Variants in GJB7 observed in about 807,000 individuals in gnomAD.
GJB7 encodes gap junction beta-7 protein.
For synonymous variants in GJB7, 87 were observed against 95.2 expected, an observed-to-expected ratio of 0.91 and a Z score of 0.50; for missense variants, 253 against 256.8, an observed-to-expected ratio of 0.99 and a Z score of 0.10.
intron 2 of GJB7, among the ~76,000 whole-genome samples, chr6:87,295,555 C>T (rs115932222): frequency 1.3e-3 from 200 of 152,212 alleles, no homozygotes; most frequent in African/African-American, 4.6e-3. Context: ...TCTGTGGGTA[C>T]AGAATATCTG....
intron 2 of GJB7, among the ~76,000 whole-genome samples, chr6:87,311,933 T>C (rs1243350721): frequency 1.3e-5 from 2 of 152,000 alleles, no homozygotes; most frequent in East Asian, 3.9e-4. Context: ...GAATGAATAA[T>C]GAACTAATAA....
intron 2 of GJB7, among the ~76,000 whole-genome samples, chr6:87,317,357 C>A (rs1776598374): frequency 6.6e-6 from 1 of 152,042 alleles, no homozygotes; most frequent in African/African-American, 2.4e-5. Context: ...AAGCAAGACC[C>A]TGTCTCAAAC....
intron 2 of GJB7, among the ~76,000 whole-genome samples, chr6:87,293,031 T>C (rs1357374556): frequency 7.2e-5 from 11 of 152,218 alleles, no homozygotes; most frequent in Non-Finnish European, 1.6e-4. Context: ...TTTTATTTTA[T>C]TTTTTATTTT....
intron 2 of GJB7, among the ~76,000 whole-genome samples, chr6:87,286,865 G>T (rs1776069826): frequency 6.6e-6 from 1 of 152,190 alleles, no homozygotes; most frequent in Non-Finnish European, 1.5e-5. Flanking sequence ...CTTTCTCAAG[G>T]TCACAAAGTA....
At chr6:87,303,721 C>T (rs1271624803) in intron 2 of GJB7, among the ~76,000 whole-genome samples, 2 of 152,208 alleles carry the variant, frequency 1.3e-5, no homozygotes, top group Admixed American at 1.3e-4. Flanking sequence ...ACAGAATATA[C>T]CTTCTTCTCA....
chr6:87,319,126 C>G lies in GJB7; in HGVS notation c.-28+3740G>C, dbSNP rs141735432. 7.2e-5 allele frequency among the ~76,000 whole-genome samples: 11 copies of G among 152,278 alleles called. No homozygotes were observed. In the East Asian group the frequency reaches 2.1e-3, roughly 29 times the overall value. ...CAGATTAATCTTTGCTTTATGCAAT[C>G]CCATCAAATACAAAATCTCCTGGAA... On this transcript the variant is annotated intron_variant, in intron 2 of 2. Coordinates refer to ENST00000525899, the MANE Select transcript of GJB7 (RefSeq NM_198568.3).
rs1222055347 is a variant in GJB7 at position 87,323,424 on chromosome 6, C to T, written c.-205-381G>A. On this transcript the variant is annotated intron_variant, in intron 1 of 2. Coordinates refer to ENST00000525899, the MANE Select transcript of GJB7 (RefSeq NM_198568.3). ...TATCTCCCAATGCTATCCCTCCCCC[C>T]TCCCCCCACCCCACAACAGACCTCA... is the stretch of plus-strand genomic sequence containing the variant. Among the ~76,000 whole-genome samples, 3 of 109,282 alleles carry T rather than the reference C, an allele frequency of 2.7e-5. No homozygotes were observed. In the East Asian group the frequency reaches 1.0e-3, roughly 38 times the overall value. The allele number at this position is 109,282 out of a possible 152,430, so 71.7% of individuals were successfully genotyped here. A position where few individuals can be genotyped will look rare whatever the true frequency, so the allele number is the denominator to read the frequency against.
intron 2 of GJB7, among the ~76,000 whole-genome samples, chr6:87,318,119 A>T (rs1486354051): frequency 4.2e-5 from 6 of 144,246 alleles, no homozygotes; most frequent in African/African-American, 7.6e-5. Context: ...TCCCCATTCT[A>T]TTTTTTTTTT....
chr6:87,294,264 C>G (rs921505820), intron 2 of GJB7, among the ~76,000 whole-genome samples: 1 of 152,206 alleles, frequency 6.6e-6, no homozygotes, highest in Non-Finnish European at 1.5e-5. Context: ...TGTGACGCTG[C>G]AAGATAATCA....
chr6:87,320,061 T>C (rs1246971490), intron 2 of GJB7, among the ~76,000 whole-genome samples: 1 of 151,936 alleles, frequency 6.6e-6, no homozygotes, highest in Non-Finnish European at 1.5e-5. Context: ...TTTTAGCGGG[T>C]ACAAAAGTAT....
intron 1 of GJB7, among the ~76,000 whole-genome samples, chr6:87,328,480 G>A (rs12190506): frequency 6.6e-6 from 1 of 150,432 alleles, no homozygotes; most frequent in Non-Finnish European, 1.5e-5. Context: ...AGACAGGACC[G>A]TAAGCTTCAG....
intron 2 of GJB7, among the ~76,000 whole-genome samples, chr6:87,321,155 G>A (rs1390452336): frequency 1.3e-5 from 2 of 151,192 alleles, no homozygotes; most frequent in Non-Finnish European, 2.9e-5. Flanking sequence ...GGAGGTGGAG[G>A]TTGCAGTGAG....
intron 1 of GJB7, among the ~76,000 whole-genome samples, chr6:87,324,514 T>G (rs1296213858): frequency 1.3e-5 from 2 of 150,860 alleles, no homozygotes; most frequent in African/African-American, 4.9e-5. Flanking sequence ...CAGCACCATT[T>G]ATTAAATAGG....
intron 2 of GJB7, chr6:87,298,949 T>A: frequency 2.2e-6 from 1 of 450,018 alleles, no homozygotes. Context: ...AAAACAATGA[T>A]TGATCAACTG....
intron 2 of GJB7, among the ~76,000 whole-genome samples, chr6:87,308,976 A>G (rs1776473992): frequency 6.6e-6 from 1 of 152,234 alleles, no homozygotes; most frequent in Non-Finnish European, 1.5e-5. Flanking sequence ...TTCCTGACAA[A>G]AAAAGACAAA....
At chr6:87,324,669 G>C (rs1289459608) in intron 1 of GJB7, among the ~76,000 whole-genome samples, 14 of 151,136 alleles carry the variant, frequency 9.3e-5, no homozygotes, top group Admixed American at 5.3e-4. Flanking sequence ...TTTGGTTACT[G>C]TAGCCTTGTA....
intron 1 of GJB7, among the ~76,000 whole-genome samples, chr6:87,323,540 T>G (rs1776727012): frequency 6.6e-6 from 1 of 151,424 alleles, no homozygotes; most frequent in South Asian, 2.1e-4. Context: ...TTTTTTGTTC[T>G]TGCGATAGTT....
Position 87,284,405 on chromosome 6 carries a change from T to G in GJB7, c.508A>C (p.Ile170Leu), listed in dbSNP as rs542289407. 1.2e-6 allele frequency: 2 copies of G among 1,614,166 alleles called. No homozygotes were observed. The highest frequency in any genetic ancestry group is 2.2e-5 in the East Asian group (1 of 44,876). The change falls in exon 3 of 3, where the codon ATC (isoleucine) becomes CTC (leucine). Residue 170 changes from isoleucine to leucine, a missense_variant. Ile to Leu is a conservative substitution (Grantham distance 5). Coordinates refer to ENST00000525899, the MANE Select transcript of GJB7 (RefSeq NM_198568.3). ...KPCPNTVDCF[I>L]SKPTEKTIFI... ...ATCGTCTTCTCAGTGGGTTTGGAGA[T>G]GAAGCAGTCCACAGTGTTGGGACAA...
chr6:87,299,068 C>G, intron 2 of GJB7: 1 of 509,932 alleles, frequency 2.0e-6, no homozygotes, highest in South Asian at 1.4e-5. Context: ...TTGCTAATAA[C>G]ACAAATGAAG....
Sources: allele counts gnomAD v4.1 joint callset (sites outside exome capture counted in the v4.1 genomes callset), GRCh38; gene constraint gnomAD v4.1.1; transcripts MANE v1.5; gene names NCBI Gene and HGNC (gene_info 2026-07-23, HGNC 2026-07-21).